The following KCNIP4 variants were observed in gnomAD, a reference collection of about 807,000 sequenced individuals.
KCNIP4 encodes the protein Kv channel-interacting protein 4.
KCNIP4 carries 12 observed loss-of-function variants against 34.0 expected under a neutral mutation model. The ratio of observed to expected loss-of-function variants is 0.35; its 90% CI spans 0.23 to 0.57. The LOEUF is 0.57. Ranked by LOEUF, KCNIP4 falls within the 20% of genes least tolerant of loss-of-function variation. The pLI, the probability that KCNIP4 is intolerant of heterozygous loss-of-function variation, is 0.83. For missense variants in KCNIP4, 238 were observed against 311.7 expected, an observed-to-expected ratio of 0.76 and a Z score of 1.78; for synonymous variants, 124 against 102.2, an observed-to-expected ratio of 1.21 and a Z score of -1.29.
chr4:21,690,235 T>C (rs1333993417), intron 1 of KCNIP4, among the ~76,000 whole-genome samples: 1 of 151,542 alleles, frequency 6.6e-6, no homozygotes, highest in East Asian at 1.9e-4. Context: ...GGGAAGCTCC[T>C]CAGATCTTAC....
chr4:21,303,129 T>C (rs1711939881), intron 1 of KCNIP4, among the ~76,000 whole-genome samples: 1 of 152,222 alleles, frequency 6.6e-6, no homozygotes, highest in Admixed American at 6.5e-5. Context: ...ACAAAATGTA[T>C]TGTTTAAACA....
chr4:21,193,704 C>T (rs1193712424), intron 1 of KCNIP4, among the ~76,000 whole-genome samples: 20 of 151,148 alleles, frequency 1.3e-4, no homozygotes, highest in Admixed American at 1.1e-3. Context: ...CCCGAGTAGC[C>T]GGGACTACAG....
intron 1 of KCNIP4, among the ~76,000 whole-genome samples, chr4:21,113,004 T>G (rs1176168493): frequency 2.0e-5 from 3 of 152,220 alleles, no homozygotes; most frequent in Admixed American, 1.3e-4. Flanking sequence ...GAAAGTCTTC[T>G]ACACCTGATG....
At chr4:21,716,763 C>T (rs1238376907) in intron 1 of KCNIP4, among the ~76,000 whole-genome samples, 1 of 152,158 alleles carries the variant, frequency 6.6e-6, no homozygotes, top group Non-Finnish European at 1.5e-5. Flanking sequence ...TCATCCCATG[C>T]TAAAACGGCC....
chr4:20,777,932 G>C (rs1258438213), intron 3 of KCNIP4, among the ~76,000 whole-genome samples: 2 of 152,200 alleles, frequency 1.3e-5, no homozygotes, highest in Non-Finnish European at 2.9e-5. Flanking sequence ...CCAGGGAGCT[G>C]AATGCACAGC....
At chr4:21,784,056 T>C (rs11947205) in intron 1 of KCNIP4, among the ~76,000 whole-genome samples, 17,835 of 150,290 alleles carry the variant, frequency 0.12, 3,144 homozygotes, top group African/African-American at 0.39. Flanking sequence ...CTCACAGTTC[T>C]GCATGGCTGG....
At chr4:21,241,316 T>C (rs1394129062) in intron 1 of KCNIP4, among the ~76,000 whole-genome samples, 3 of 145,494 alleles carry the variant, frequency 2.1e-5, no homozygotes, top group Non-Finnish European at 4.4e-5. Flanking sequence ...ACTTAAAAAT[T>C]TTTTTTCTAA....
intron 1 of KCNIP4, among the ~76,000 whole-genome samples, chr4:21,592,598 T>C (rs1363178787): frequency 1.3e-5 from 2 of 152,130 alleles, no homozygotes; most frequent in Non-Finnish European, 2.9e-5. Flanking sequence ...TAGTTGTTTG[T>C]ATTCCAAGAA....
At chr4:21,593,591 G>T (rs964610466) in intron 1 of KCNIP4, among the ~76,000 whole-genome samples, 2 of 152,052 alleles carry the variant, frequency 1.3e-5, no homozygotes, top group Non-Finnish European at 2.9e-5. Flanking sequence ...TAGCACTGCA[G>T]ATTTTGCACC....
chr4:20,816,850 C>T (rs1162022487), intron 3 of KCNIP4, among the ~76,000 whole-genome samples: 1 of 152,184 alleles, frequency 6.6e-6, no homozygotes, highest in Non-Finnish European at 1.5e-5. Flanking sequence ...TGCTCTCATG[C>T]TCAATCAGCT....
Position 21,531,689 on chromosome 4 carries a change from T to C in KCNIP4, c.61+416882A>G, listed in dbSNP as rs1736696576. Among the ~76,000 whole-genome samples, 2 of 152,010 alleles carry C rather than the reference T, an allele frequency of 1.3e-5. 1 individual carries two copies. Among genetic ancestry groups the C allele is most frequent in the African/African-American group, 4.8e-5 (2 of 41,370 alleles). ...ACCGCACCCGGCCTAAAGCTGCAGT[T>C]TCTTTAACTTGTTATTTACTATAAT... On this transcript the variant is annotated intron_variant, in intron 1 of 8. Coordinates refer to ENST00000382152, the MANE Select transcript of KCNIP4 (RefSeq NM_025221.6).
rs553157436 is a variant in KCNIP4, at chr4:21,715,873, A to T, written c.61+232698T>A. 2.0e-5 allele frequency among the ~76,000 whole-genome samples: 3 copies of T among 152,290 alleles called. No individual in the cohort carries two copies. The South Asian group carries it at 6.2e-4, about 32-fold the overall frequency. ...TTTTCTTTGTGCTTCTGATATCATA[A>T]TTGCAAAATATTTCACTTGACTCTG... On this transcript the variant is annotated intron_variant, in intron 1 of 8. Transcript: ENST00000382152.
intron 1 of KCNIP4, among the ~76,000 whole-genome samples, chr4:21,553,557 T>C (rs1030299899): frequency 6.6e-6 from 1 of 152,006 alleles, no homozygotes; most frequent in African/African-American, 2.4e-5. Flanking sequence ...TTGTCCTACC[T>C]GAGATTCTCC....
chr4:21,301,574 G>T (rs1711708165), intron 1 of KCNIP4, among the ~76,000 whole-genome samples: 1 of 152,126 alleles, frequency 6.6e-6, no homozygotes, highest in African/African-American at 2.4e-5. Flanking sequence ...GCAAAATGGT[G>T]CAGGAGGAAA....
chr4:21,443,113 T>A (rs769747413), intron 1 of KCNIP4, among the ~76,000 whole-genome samples: 1 of 152,186 alleles, frequency 6.6e-6, no homozygotes, highest in Non-Finnish European at 1.5e-5. Flanking sequence ...TCTCATCCTT[T>A]CCAGCTCTAT....
intron 1 of KCNIP4, among the ~76,000 whole-genome samples, chr4:21,310,289 G>A (rs1713008465): frequency 6.6e-6 from 1 of 152,012 alleles, no homozygotes; most frequent in Admixed American, 6.6e-5. Context: ...GTCCGCCTCT[G>A]CCTCCCAAAG....
At chr4:21,362,589 G>A (rs770010994) in intron 1 of KCNIP4, among the ~76,000 whole-genome samples, 3 of 151,932 alleles carry the variant, frequency 2.0e-5, no homozygotes, top group Non-Finnish European at 2.9e-5. Context: ...TCCTCTTGGG[G>A]TTGAGATAAA....
intron 3 of KCNIP4, among the ~76,000 whole-genome samples, chr4:20,768,804 C>T (rs1162213838): frequency 6.6e-6 from 1 of 152,030 alleles, no homozygotes; most frequent in African/African-American, 2.4e-5. Context: ...CTTCTGGGGT[C>T]AAAGTGGTTA....
In KCNIP4 at chr4:21,543,499, T is replaced by TTG. The variant is rs562199873; in HGVS notation, c.61+405071_61+405072insCA. 1.2e-4 allele frequency among the ~76,000 whole-genome samples: 18 copies of TTG among 152,256 alleles called. No individual in the cohort carries two copies. In the East Asian group the frequency reaches 3.5e-3, roughly 29 times the overall value. ...CTAAATTTGCTCTACAATAGAGGTA[T>TTG]TAGATGATGTAAGTAAACTTCAAAG... is the stretch of plus-strand genomic sequence containing the variant. On this transcript the variant is annotated intron_variant, in intron 1 of 8. Coordinates refer to ENST00000382152, the MANE Select transcript of KCNIP4 (RefSeq NM_025221.6).
Sources: gnomAD v4.1 joint callset for allele counts (sites outside exome capture counted in the v4.1 genomes callset) on GRCh38, gnomAD v4.1.1 for gene constraint, MANE v1.5 for transcripts, NCBI Gene and HGNC (gene_info 2026-07-23, HGNC 2026-07-21) for gene names.